Variants in HDAC7 observed in about 807,000 individuals in gnomAD.
The protein encoded by HDAC7 is histone deacetylase 7A.
HDAC7 carries 26 observed loss-of-function variants against 115.5 expected under a neutral mutation model. That is an observed-to-expected ratio of 0.23 (90% CI 0.16 to 0.31). The LOEUF (loss-of-function observed/expected upper bound fraction) is 0.31, where lower values mean the gene tolerates loss of function less well. Ranked by LOEUF, HDAC7 falls within the 10% of genes least tolerant of loss-of-function variation. The probability of loss-of-function intolerance (pLI) is 1.00; values close to 1 mark genes in which losing one functional copy is unlikely to be tolerated. For missense variants in HDAC7, 1,068 were observed against 1,329.0 expected (o/e 0.80, Z 3.05); for synonymous variants, 564 against 550.9 (o/e 1.02, Z -0.33).
intron 1 of HDAC7, among the ~76,000 whole-genome samples, 158 bp downstream of exon 1, chr12:47,819,609 C>T (rs1306154468): frequency 2.7e-5 from 4 of 150,516 alleles, no homozygotes; most frequent in Non-Finnish European, 5.9e-5. Context: ...GGGACAGGCG[C>T]GGTCGGGGGG....
intron 1 of HDAC7, among the ~76,000 whole-genome samples, chr12:47,814,157 G>A (rs952681954): frequency 1.3e-5 from 2 of 152,206 alleles, no homozygotes; most frequent in Non-Finnish European, 2.9e-5. Flanking sequence ...AAGGGCCCAG[G>A]AGAGACTCTG....
chr12:47,791,706 A>G lies in HDAC7; in HGVS notation c.1813T>C (p.Cys605Arg). Residue 605 changes from cysteine (C) to arginine (R), a missense_variant and splice_region_variant, in exon 15 of 26, where the codon TGT becomes CGT. Physicochemically the swap from Cys to Arg is radical, Grantham distance 180. Coordinates refer to ENST00000080059, the MANE Select transcript of HDAC7 (RefSeq NM_015401.5). ...QERGLRSQCE[C>R]LRGRKASLEE... ...AGGGAGGCCTTCCGGCCTCGGAGACACTGAAAAGGGGACCACAGAGCTCTG... is the reference window on the plus strand; with the variant it reads ...AGGGAGGCCTTCCGGCCTCGGAGACGCTGAAAAGGGGACCACAGAGCTCTG... The G allele has an allele frequency of 6.2e-7, 1 of 1,613,618 alleles. No individual in the cohort carries two copies. The highest frequency in any genetic ancestry group is 1.3e-5 in the African/African-American group (1 of 75,034).
chr12:47,801,230 T>C (rs770533936), intron 2 of HDAC7, among the ~76,000 whole-genome samples: 18 of 152,220 alleles, frequency 1.2e-4, no homozygotes, highest in African/African-American at 4.1e-4. Flanking sequence ...ATGTCTGAGT[T>C]AAGCTCCATA....
chr12:47,801,823 C>T (rs999592669), intron 2 of HDAC7, among the ~76,000 whole-genome samples: 2 of 152,214 alleles, frequency 1.3e-5, no homozygotes, highest in African/African-American at 4.8e-5. Context: ...TCCAGCAGAG[C>T]AGTCCTGCAA....
At chr12:47,785,705 G>C in intron 23 of HDAC7, 47 bp downstream of exon 23, 1 of 1,571,360 alleles carries the variant, frequency 6.4e-7, no homozygotes, top group Non-Finnish European at 8.6e-7. Flanking sequence ...TGAGAGCCGG[G>C]CTTACCTGCC....
intron 24 of HDAC7, chr12:47,784,845 T>C: frequency 7.1e-7 from 1 of 1,415,800 alleles, no homozygotes. Context: ...TGTAAAGACA[T>C]CACGGCTCCC....
chr12:47,798,885 G>C lies in HDAC7; in HGVS notation c.158C>G (p.Pro53Arg). ...CAGGGCCAGCAATGTGGGCTCTGGT[G>C]GGGGCTCCACTGGGGGCCGCTGGCC... ...RVGQRPPVEP[P>R]PEPTLLALQR... Residue 53 changes from proline to arginine, a missense_variant, in exon 3 of 26, where the codon CCA becomes CGA. By Grantham distance (103) the Pro-to-Arg change is moderately radical. Around this residue, in one of 6 missense-constraint regions of HDAC7, gnomAD observed 161 missense variants for 158.5 expected, o/e 1.02. Transcript: ENST00000080059. The surrounding 1 kb of genome is among the most constrained non-coding windows in gnomAD (Gnocchi z 4.3). 1.3e-6 allele frequency: 2 copies of C among 1,546,658 alleles called. No homozygotes were observed. Among genetic ancestry groups the C allele is most frequent in the Non-Finnish European group, 1.7e-6 (2 of 1,148,604 alleles).
intron 16 of HDAC7, 174 bp downstream of exon 16, chr12:47,791,085 G>C: frequency 3.0e-6 from 2 of 666,560 alleles, no homozygotes; most frequent in South Asian, 1.7e-5. Flanking sequence ...TCCGAGACAC[G>C]CCTGTCCAAA....
At chr12:47,816,187 C>T (rs1017377811) in intron 1 of HDAC7, among the ~76,000 whole-genome samples, 8 of 152,058 alleles carry the variant, frequency 5.3e-5, no homozygotes, top group South Asian at 2.1e-4. Flanking sequence ...TCACCGCGCC[C>T]GGCCCAGGAT....
intron 1 of HDAC7, among the ~76,000 whole-genome samples, chr12:47,809,028 G>A (rs1457768142): frequency 1.3e-5 from 2 of 152,154 alleles, no homozygotes; most frequent in Non-Finnish European, 2.9e-5. Flanking sequence ...GGGATAAGTC[G>A]GCCAGTTTCT....
Position 47,798,042 on chromosome 12 carries a change from G to T in HDAC7, c.461+66C>A. ...GAAGGAGGCAAGTGTGTGTGCTCAT[G>T]GCTAACACGGGGGCGGGGGTGGAGG... On this transcript the variant is annotated intron_variant, in intron 5 of 25. Transcript: ENST00000080059. The surrounding 1 kb of genome is among the most constrained non-coding windows in gnomAD (Gnocchi z 4.3). The T allele has an allele frequency of 8.7e-7, 1 of 1,152,750 alleles. No individual in the cohort carries two copies. The highest frequency in any genetic ancestry group is 1.3e-6 in the Non-Finnish European group (1 of 760,068). 71.4% of individuals were successfully genotyped at this position (1,152,750 alleles called of 1,614,324 possible).
chr12:47,783,459 T>C lies in HDAC7; in HGVS notation c.*382A>G. The C allele has an allele frequency of 3.8e-6, 1 of 261,620 alleles. No homozygotes were observed. 16.2% of individuals were successfully genotyped at this position (261,620 alleles called of 1,614,324 possible). A position where few individuals can be genotyped will look rare whatever the true frequency, so the allele number is the denominator to read the frequency against. Reference sequence around the variant, plus strand: ...CACATTTCTGTGTGGAGCCTGAGGCTGTGTGCAAAGTCTGGGGTTTGCAGA... The same window carrying C: ...CACATTTCTGTGTGGAGCCTGAGGCCGTGTGCAAAGTCTGGGGTTTGCAGA... On this transcript the variant is annotated 3_prime_UTR_variant, in exon 26 of 26. Coordinates refer to ENST00000080059, the MANE Select transcript of HDAC7 (RefSeq NM_015401.5).
intron 1 of HDAC7, among the ~76,000 whole-genome samples, chr12:47,818,692 A>C (rs1944917900): frequency 6.6e-6 from 1 of 152,226 alleles, no homozygotes; most frequent in African/African-American, 2.4e-5. Context: ...CACCCTAGAA[A>C]GCGGCAGGCA....
At position 47,813,714 on chromosome 12, in the gene HDAC7, G is replaced by A. The variant is rs78322254; in HGVS notation, c.19+6053C>T. Among the ~76,000 whole-genome samples, 1,263 of 152,328 alleles carry A rather than the reference G, an allele frequency of 8.3e-3. 14 individuals are homozygous for A. Among genetic ancestry groups the A allele is most frequent in the East Asian group, 0.021 (109 of 5,176 alleles). ...CCCTCCCCATCCTGCTGTGGGGGCT[G>A]TGGAGCTTGGGCGGGAAGGCCTGGG... On this transcript the variant is annotated intron_variant, in intron 1 of 25. Coordinates refer to ENST00000080059, the MANE Select transcript of HDAC7 (RefSeq NM_015401.5).
Position 47,802,294 on chromosome 12 carries a change from G to A in HDAC7, c.20-20C>T. Reference sequence around the variant, plus strand: ...TCCCATCTGTAGAGAGAGAGACGGAGTGAAAGAGCTGCAGGGAGGGGTGAG... The same window carrying A: ...TCCCATCTGTAGAGAGAGAGACGGAATGAAAGAGCTGCAGGGAGGGGTGAG... On this transcript the variant is annotated intron_variant, in intron 1 of 25. Coordinates refer to ENST00000080059, the MANE Select transcript of HDAC7 (RefSeq NM_015401.5). The A allele has an allele frequency of 1.2e-6, 2 of 1,612,752 alleles. No individual in the cohort carries two copies. The highest frequency in any genetic ancestry group is 2.2e-5 in the South Asian group (2 of 90,986).
chr12:47,814,637 T>C lies in HDAC7; in HGVS notation c.19+5130A>G, dbSNP rs550539230. On this transcript the variant is annotated intron_variant, in intron 1 of 25. Transcript: ENST00000080059. ...CTTCTGCTCTCCCCTCTGCCAACCT[T>C]TGGGGCTGCTTAAGGGGAGGAGACT... 5.7e-4 allele frequency among the ~76,000 whole-genome samples: 87 copies of C among 152,322 alleles called. 2 individuals carry two copies. In the South Asian group the frequency reaches 0.017, roughly 30 times the overall value.
At chr12:47,796,329 C>A in intron 7 of HDAC7, 31 bp from the exon 8 acceptor site, 1 of 1,550,244 alleles carries the variant, frequency 6.5e-7, no homozygotes. Context: ...GAAGTGCAGT[C>A]AGAGGCCAGG....
intron 16 of HDAC7, chr12:47,790,469 GAA>G (rs1452543990): frequency 6.3e-6 from 1 of 158,178 alleles, no homozygotes; most frequent in Non-Finnish European, 1.4e-5. Flanking sequence ...AGAGGCTGGA[GAA>G]AGAGAGAGAG....
At chr12:47,809,120 T>C (rs555841494) in intron 1 of HDAC7, among the ~76,000 whole-genome samples, 1 of 152,256 alleles carries the variant, frequency 6.6e-6, no homozygotes, top group East Asian at 1.9e-4. Flanking sequence ...TGTGAGCCAG[T>C]CTTTCTCAAG....
Sources: allele counts gnomAD v4.1 joint callset (sites outside exome capture counted in the v4.1 genomes callset), GRCh38; gene constraint gnomAD v4.1.1; regional missense constraint gnomAD v4.1.1; non-coding constraint Gnocchi (gnomAD v3.1); transcripts MANE v1.5; gene names NCBI Gene and HGNC (gene_info 2026-07-23, HGNC 2026-07-21).